CHCHD3: variants seen among roughly 807,000 people sequenced by gnomAD.
The protein encoded by CHCHD3 is MICOS complex subunit MIC19.
CHCHD3 carries 20 observed loss-of-function variants against 38.2 expected under a neutral mutation model. The observed-to-expected ratio is 0.52, with a 90% confidence interval of 0.37 to 0.76. The LOEUF is 0.76. Among genes scored for constraint, CHCHD3 ranks in the 30% least tolerant of loss-of-function variants. The probability of loss-of-function intolerance (pLI) is 0.00; values close to 1 mark genes in which losing one functional copy is unlikely to be tolerated. For missense variants in CHCHD3, 245 were observed against 279.2 expected (o/e 0.88, Z 0.87); for synonymous variants, 82 against 100.0 (o/e 0.82, Z 1.07).
intron 2 of CHCHD3, among the ~76,000 whole-genome samples, chr7:133,059,904 C>T (rs1471234807): frequency 1.3e-5 from 2 of 152,154 alleles, no homozygotes; most frequent in African/African-American, 2.4e-5. Flanking sequence ...CTTTATAATA[C>T]GGTCACTGTG....
intron 4 of CHCHD3, among the ~76,000 whole-genome samples, chr7:132,931,616 A>T (rs1444940480): frequency 6.6e-6 from 1 of 152,238 alleles, no homozygotes; most frequent in African/African-American, 2.4e-5. Context: ...TAAACTAATC[A>T]TTATATTCGA....
chr7:132,951,185 T>G (rs965902006), intron 4 of CHCHD3, among the ~76,000 whole-genome samples: 1 of 152,148 alleles, frequency 6.6e-6, no homozygotes, highest in Admixed American at 6.5e-5. Context: ...TTTAAGAACG[T>G]GATCAGAATT....
At chr7:132,993,534 A>G (rs1467277751) in intron 3 of CHCHD3, among the ~76,000 whole-genome samples, 1 of 152,152 alleles carries the variant, frequency 6.6e-6, no homozygotes, top group African/African-American at 2.4e-5. Flanking sequence ...ACTGTGCCCC[A>G]TAGATGACCC....
intron 5 of CHCHD3, among the ~76,000 whole-genome samples, chr7:132,853,187 C>T (rs1373406115): frequency 5.9e-5 from 9 of 152,134 alleles, no homozygotes; most frequent in Non-Finnish European, 1.0e-4. Flanking sequence ...TCCGACTGAC[C>T]GCTGCAGAGT....
At chr7:132,821,538 C>T (rs959136599) in intron 6 of CHCHD3, among the ~76,000 whole-genome samples, 16 of 152,148 alleles carry the variant, frequency 1.1e-4, no homozygotes, top group Admixed American at 1.0e-3. Context: ...AGACCAGGAA[C>T]CACAGACGAG....
intron 6 of CHCHD3, among the ~76,000 whole-genome samples, chr7:132,828,509 C>T (rs1807564034): frequency 6.6e-6 from 1 of 152,088 alleles, no homozygotes; most frequent in Admixed American, 6.6e-5. Context: ...ATTTTGTTTG[C>T]TTATCTCTTA....
chr7:133,003,830 T>C (rs1812633681), intron 3 of CHCHD3, among the ~76,000 whole-genome samples: 2 of 152,190 alleles, frequency 1.3e-5, no homozygotes, highest in Non-Finnish European at 2.9e-5. Flanking sequence ...AAAAGAAACA[T>C]ATGACATCAT....
intron 6 of CHCHD3, chr7:132,815,527 T>C (rs1201921186): frequency 2.2e-6 from 1 of 455,370 alleles, no homozygotes; most frequent in South Asian, 1.6e-5. Context: ...TCAGGTTGCC[T>C]GAAATGAGGG....
intron 2 of CHCHD3, among the ~76,000 whole-genome samples, chr7:133,036,725 G>C (rs1416604392): frequency 6.6e-6 from 1 of 152,144 alleles, no homozygotes; most frequent in African/African-American, 2.4e-5. Flanking sequence ...GAATGAGGAG[G>C]TATTTTCAGG....
Position 133,061,775 on chromosome 7 carries a change from G to T in CHCHD3, c.169+8367C>A, listed in dbSNP as rs190533974. 3.1e-3 allele frequency among the ~76,000 whole-genome samples: 479 copies of T among 152,352 alleles called. 3 individuals carry two copies. In the South Asian group the frequency reaches 0.037, roughly 12 times the overall value. ...TCAATCAACCACTCATTCAGGGGAA[G>T]CAGGGCATATAGAACCAGAATATTG... On this transcript the variant is annotated intron_variant, in intron 2 of 7. Coordinates refer to ENST00000262570, the MANE Select transcript of CHCHD3 (RefSeq NM_017812.4).
intron 2 of CHCHD3, among the ~76,000 whole-genome samples, chr7:133,039,749 A>G (rs1813779630): frequency 6.6e-6 from 1 of 152,226 alleles, no homozygotes; most frequent in East Asian, 1.9e-4. Context: ...CCAATAACTG[A>G]AACTCAATTT....
chr7:132,977,894 A>C (rs571153704), intron 3 of CHCHD3, among the ~76,000 whole-genome samples: 44 of 152,340 alleles, frequency 2.9e-4, no homozygotes, highest in African/African-American at 1.0e-3. Context: ...GTTAATGAAA[A>C]AGAAGCAAAA....
rs371480903 is a variant in CHCHD3, at chr7:132,981,215, A to C, written c.252-5929T>G. On this transcript the variant is annotated intron_variant, in intron 3 of 7. Coordinates refer to ENST00000262570, the MANE Select transcript of CHCHD3 (RefSeq NM_017812.4). ...CAGCATGTTGTCCACATGGTCTTGA[A>C]CTGGGCTCAAGTGGTCTTGAACTGG... Among the ~76,000 whole-genome samples the C allele has an allele frequency of 2.1e-4, 32 of 151,904 alleles. 1 individual carries two copies. The highest frequency in any genetic ancestry group is 7.0e-4 in the African/African-American group (29 of 41,430).
At chr7:132,961,801 C>T (rs1047030602) in intron 4 of CHCHD3, among the ~76,000 whole-genome samples, 1 of 152,216 alleles carries the variant, frequency 6.6e-6, no homozygotes, top group Non-Finnish European at 1.5e-5. Flanking sequence ...AGTCCCCTGC[C>T]TCTGGCAACC....
chr7:133,019,005 T>C (rs1402123447), intron 3 of CHCHD3, among the ~76,000 whole-genome samples: 1 of 147,044 alleles, frequency 6.8e-6, no homozygotes, highest in East Asian at 2.1e-4. Context: ...TGCCTCAGCC[T>C]CCCGAGTAGC....
rs1806626857 is a variant in CHCHD3, at chr7:132,796,693, G to T, written c.525-116C>A. ...ACAGATGTTGCAAATGTAGAAAAAG[G>T]TTTAAGAGAAAGAATTTTCCTTAAA... On this transcript the variant is annotated intron_variant, in intron 6 of 7. Coordinates refer to ENST00000262570, the MANE Select transcript of CHCHD3 (RefSeq NM_017812.4). 7.6e-6 allele frequency: 7 copies of T among 923,936 alleles called. No individual in the cohort carries two copies. The Admixed American group carries it at 1.4e-4, about 18-fold the overall frequency. 57.2% of individuals were successfully genotyped at this position (923,936 alleles called of 1,614,324 possible).
intron 4 of CHCHD3, chr7:132,972,452 A>G: frequency 6.1e-6 from 3 of 495,472 alleles, no homozygotes; most frequent in Non-Finnish European, 7.8e-6. Flanking sequence ...CCAAAATGTT[A>G]ACAGTAACTA....
intron 4 of CHCHD3, among the ~76,000 whole-genome samples, chr7:132,933,257 T>G (rs1390423139): frequency 3.3e-5 from 5 of 152,222 alleles, no homozygotes; most frequent in African/African-American, 1.2e-4. Context: ...CTCATTATGG[T>G]GACTCAAATT....
chr7:133,013,090 G>A (rs1039656086), intron 3 of CHCHD3, among the ~76,000 whole-genome samples: 4 of 150,416 alleles, frequency 2.7e-5, no homozygotes, highest in African/African-American at 9.8e-5. Flanking sequence ...GGAGGCTGAG[G>A]CAGGAGAATC....
Sources: gnomAD v4.1 joint callset for allele counts (sites outside exome capture counted in the v4.1 genomes callset) on GRCh38, gnomAD v4.1.1 for gene constraint, MANE v1.5 for transcripts, NCBI Gene and HGNC (gene_info 2026-07-23, HGNC 2026-07-21) for gene names.